Variants in UNC13C observed in about 807,000 individuals in gnomAD.
The protein encoded by UNC13C is protein unc-13 homolog C.
A neutral mutation model predicts 245.4 loss-of-function variants in UNC13C; 174 were observed. The ratio of observed to expected loss-of-function variants is 0.71; its 90% CI spans 0.63 to 0.80. UNC13C has a LOEUF of 0.80. UNC13C is among the 30% of genes least tolerant of loss of function. The probability of loss-of-function intolerance (pLI) is 0.00; values close to 1 mark genes in which losing one functional copy is unlikely to be tolerated. For missense variants in UNC13C, 2,829 were observed against 2,602.9 expected, an observed-to-expected ratio of 1.09 and a Z score of -1.89; for synonymous variants, 992 against 895.1, an observed-to-expected ratio of 1.11 and a Z score of -1.93.
intron 2 of UNC13C, among the ~76,000 whole-genome samples, chr15:54,095,850 G>A (rs1223037521): frequency 1.3e-5 from 2 of 152,346 alleles, no homozygotes; most frequent in Admixed American, 1.3e-4. Flanking sequence ...TATATTAGTA[G>A]TTCCATGGGA....
intron 10 of UNC13C, among the ~76,000 whole-genome samples, chr15:54,275,015 G>T (rs1178682297): frequency 6.6e-6 from 1 of 151,884 alleles, no homozygotes. Flanking sequence ...CCTATAAAGG[G>T]GGTAAAATAA....
the UNC13C span, among the ~76,000 whole-genome samples, chr15:53,859,189 G>A: frequency 5.3e-5 from 8 of 152,094 alleles, no homozygotes; most frequent in South Asian, 2.1e-4. Context: ...ATATTTTAAT[G>A]TTAATTTAAA....
At chr15:53,992,661 T>G (rs566038998) in intron 1 of UNC13C, among the ~76,000 whole-genome samples, 1 of 152,222 alleles carries the variant, frequency 6.6e-6, no homozygotes, top group Admixed American at 6.5e-5. Context: ...AGCTGAGAAT[T>G]CAACCTTCTC....
rs144553714 is a variant in UNC13C at position 54,546,222 on chromosome 15, G to C, written c.5697-500G>C. On this transcript the variant is annotated intron_variant, in intron 26 of 32. Coordinates refer to ENST00000260323, the MANE Select transcript of UNC13C (RefSeq NM_001080534.3). ...TTCTCAGCAAACTAACACAGGAACA[G>C]AAAATGAAACACCGCATGTTCTCAC... Among the ~76,000 whole-genome samples, 438 of 152,280 alleles carry C rather than the reference G, an allele frequency of 2.9e-3. 1 individual carries two copies. The highest frequency in any genetic ancestry group is 4.8e-3 in the Non-Finnish European group (326 of 68,034).
intron 4 of UNC13C, among the ~76,000 whole-genome samples, chr15:54,172,297 G>A (rs2033429705): frequency 6.6e-6 from 1 of 151,986 alleles, no homozygotes; most frequent in Non-Finnish European, 1.5e-5. Flanking sequence ...TTCTTCAGGT[G>A]AAGGATACCC....
intron 1 of UNC13C, among the ~76,000 whole-genome samples, chr15:54,003,867 T>A (rs1895014082): frequency 6.6e-6 from 1 of 151,946 alleles, no homozygotes; most frequent in South Asian, 2.1e-4. Flanking sequence ...AAAAAATTCA[T>A]TGGCATGGTG....
the UNC13C span, among the ~76,000 whole-genome samples, chr15:53,866,492 C>G: frequency 6.6e-6 from 1 of 152,088 alleles, no homozygotes; most frequent in Non-Finnish European, 1.5e-5. Flanking sequence ...TACATTTATA[C>G]CAATGCGTTT....
At chr15:54,010,009 G>T (rs941644003) in intron 1 of UNC13C, among the ~76,000 whole-genome samples, 1 of 152,058 alleles carries the variant, frequency 6.6e-6, no homozygotes, top group Admixed American at 6.6e-5. Flanking sequence ...TCCCTCTCTG[G>T]ACAAAGTGGA....
At chr15:54,427,653 C>T (rs571345973) in intron 19 of UNC13C, among the ~76,000 whole-genome samples, 1 of 151,892 alleles carries the variant, frequency 6.6e-6, no homozygotes, top group South Asian at 2.1e-4. Context: ...TTATATAAAA[C>T]ATTTATAACT....
the UNC13C span, among the ~76,000 whole-genome samples, chr15:53,879,044 C>A: frequency 6.6e-6 from 1 of 152,158 alleles, no homozygotes. Flanking sequence ...ATGATGATGA[C>A]ATACCTTGAA....
intron 2 of UNC13C, among the ~76,000 whole-genome samples, chr15:54,094,243 C>G (rs749107429): frequency 6.6e-6 from 1 of 152,126 alleles, no homozygotes; most frequent in Non-Finnish European, 1.5e-5. Context: ...TGTCCTTCAC[C>G]CAGGGTACAA....
intron 4 of UNC13C, among the ~76,000 whole-genome samples, chr15:54,194,817 T>C (rs2034299306): frequency 6.6e-6 from 1 of 152,116 alleles, no homozygotes; most frequent in East Asian, 1.9e-4. Context: ...GGGCTTCTGA[T>C]ATTAGGTACA....
intron 2 of UNC13C, among the ~76,000 whole-genome samples, chr15:54,130,993 A>T (rs12591638): frequency 6.6e-6 from 1 of 152,006 alleles, no homozygotes; most frequent in East Asian, 1.9e-4. Flanking sequence ...GAACTTAGGG[A>T]CACTTGGTGG....
At chr15:54,160,034 T>C (rs1468260817) in intron 4 of UNC13C, among the ~76,000 whole-genome samples, 2 of 152,034 alleles carry the variant, frequency 1.3e-5, no homozygotes, top group Admixed American at 1.3e-4. Flanking sequence ...TAAACCTTTG[T>C]TGTGTGAAGA....
intron 4 of UNC13C, among the ~76,000 whole-genome samples, chr15:54,188,858 A>G (rs894901198): frequency 7.9e-5 from 12 of 152,224 alleles, no homozygotes; most frequent in African/African-American, 2.9e-4. Flanking sequence ...ATGCTTAGAT[A>G]TAATTATGTT....
chr15:54,212,662 T>A (rs1052709709), intron 4 of UNC13C, among the ~76,000 whole-genome samples: 2 of 152,094 alleles, frequency 1.3e-5, no homozygotes, highest in Admixed American at 6.6e-5. Flanking sequence ...CTCAATTAGA[T>A]CTATGTCTGT....
chr15:54,323,700 T>C (rs1285577082), intron 14 of UNC13C, among the ~76,000 whole-genome samples: 1 of 152,044 alleles, frequency 6.6e-6, no homozygotes, highest in Admixed American at 6.6e-5. Context: ...AAAATCCTGT[T>C]GTTACCAAAT....
At chr15:54,465,639 A>G (rs12904540) in intron 19 of UNC13C, among the ~76,000 whole-genome samples, 67,042 of 151,692 alleles carry the variant, frequency 0.44, 15,141 homozygotes, top group East Asian at 0.72. Context: ...GGAGAAAATA[A>G]CCAATGTGAA....
intron 4 of UNC13C, among the ~76,000 whole-genome samples, chr15:54,175,634 T>C (rs1176074619): frequency 6.7e-6 from 1 of 150,244 alleles, no homozygotes. Flanking sequence ...TGCCTCAGCC[T>C]CCCGAGTAGC....
Sources: gnomAD v4.1 joint callset for allele counts (sites outside exome capture counted in the v4.1 genomes callset) on GRCh38, gnomAD v4.1.1 for gene constraint, MANE v1.5 for transcripts, NCBI Gene and HGNC (gene_info 2026-07-23, HGNC 2026-07-21) for gene names.